PLB1: variants seen among roughly 807,000 people sequenced by gnomAD.
PLB1 encodes phospholipase B1.
PLB1 carries 242 observed loss-of-function variants against 227.4 expected under a neutral mutation model. That is an observed-to-expected ratio of 1.06 (90% confidence interval 0.96 to 1.18). The LOEUF is 1.18. PLB1 is among the 50% of genes most tolerant of loss of function. The pLI, the probability that PLB1 is intolerant of heterozygous loss-of-function variation, is 0.00. For missense variants in PLB1, 1,858 were observed against 1,816.3 expected (o/e 1.02, Z -0.42); for synonymous variants, 757 against 682.2 (o/e 1.11, Z -1.71).
chr2:28,577,331 A>G (rs551846225), intron 21 of PLB1, among the ~76,000 whole-genome samples: 1 of 152,178 alleles, frequency 6.6e-6, no homozygotes, highest in Non-Finnish European at 1.5e-5. Context: ...TCACTTTCAC[A>G]CTGTTAGCAA....
intron 1 of PLB1, among the ~76,000 whole-genome samples, chr2:28,510,599 G>T (rs4625858): frequency 0.96 from 139,324 of 145,684 alleles, 66,724 homozygotes; most frequent in East Asian, 1. Flanking sequence ...ACTCCTGATT[G>T]TTTTTTCTTT....
intron 17 of PLB1, among the ~76,000 whole-genome samples, chr2:28,553,402 C>T (rs1266659303): frequency 6.6e-6 from 1 of 152,184 alleles, no homozygotes; most frequent in African/African-American, 2.4e-5. Flanking sequence ...ACTAAAACAC[C>T]ACGCAGAGCA....
At chr2:28,632,440 G>A (rs1688759902) in intron 55 of PLB1, among the ~76,000 whole-genome samples, 1 of 152,120 alleles carries the variant, frequency 6.6e-6, no homozygotes, top group Non-Finnish European at 1.5e-5. Context: ...TCTTAGGATA[G>A]GGGTGCTGAA....
intron 56 of PLB1, 53 bp from the exon 57 acceptor site, chr2:28,640,874 G>A: frequency 1.3e-6 from 2 of 1,554,094 alleles, no homozygotes; most frequent in South Asian, 1.2e-5. Flanking sequence ...CCTCAGAGAG[G>A]AAAGTGTCTC....
rs1208529721 is a variant in PLB1, at chr2:28,540,702, A to T, written c.774+261A>T. ...ACAGTGGGGGTACTTGAGGCAAAAG[A>T]TAGTGAGGAACTTCGAAGATTCATT... On this transcript the variant is annotated intron_variant, in intron 12 of 57. Transcript: ENST00000327757. Among the ~76,000 whole-genome samples the T allele has an allele frequency of 2.0e-5, 3 of 152,144 alleles. No individual in the cohort carries two copies. In the East Asian group the frequency reaches 5.8e-4, roughly 29 times the overall value.
At position 28,591,697 on chromosome 2, in the gene PLB1, T is replaced by C. The variant is rs765436854; in HGVS notation, c.2128-3T>C. On this transcript the variant is annotated splice_region_variant and splice_polypyrimidine_tract_variant and intron_variant, in intron 30 of 57. Transcript: ENST00000327757. ...GATTCTGGGATTTGTTCTATGCCCT[T>C]AGGGTCATGGGACCTGGCTGCCATG... 6.2e-7 allele frequency: 1 copy of C among 1,613,930 alleles called. No individual in the cohort carries two copies. The highest frequency in any genetic ancestry group is 1.1e-5 in the South Asian group (1 of 91,090).
Position 28,525,247 on chromosome 2 carries a change from A to T in PLB1, c.244-20A>T. 1 of 1,612,374 alleles carries T rather than the reference A, an allele frequency of 6.2e-7. No homozygotes were observed. Among genetic ancestry groups the T allele is most frequent in the Non-Finnish European group, 8.5e-7 (1 of 1,179,466 alleles). Reference sequence around the variant, plus strand: ...TGCCACCTCCCCTGGCTGGGTGTTAACATTGAGTATCTATTCCAGCCTCCA... The same window carrying T: ...TGCCACCTCCCCTGGCTGGGTGTTATCATTGAGTATCTATTCCAGCCTCCA... On this transcript the variant is annotated intron_variant, in intron 4 of 57. Transcript: ENST00000327757.
rs190307625 is a variant in PLB1, at chr2:28,543,009, G to T, written c.880-203G>T. Among the ~76,000 whole-genome samples, 444 of 152,268 alleles carry T rather than the reference G, an allele frequency of 2.9e-3. 1 individual carries two copies. Among genetic ancestry groups the T allele is most frequent in the Non-Finnish European group, 5.3e-3 (359 of 68,016 alleles). On this transcript the variant is annotated intron_variant, in intron 13 of 57. Coordinates refer to ENST00000327757, the MANE Select transcript of PLB1 (RefSeq NM_153021.5). ...CATGGAGCTGCCTGACGTGCCACCTGCTCCTGCAGGCCCTGACCTCAGGGC... is the reference window on the plus strand; with the variant it reads ...CATGGAGCTGCCTGACGTGCCACCTTCTCCTGCAGGCCCTGACCTCAGGGC...
At chr2:28,606,336 C>T (rs539666525) in intron 42 of PLB1, among the ~76,000 whole-genome samples, 160 bp from the exon 43 acceptor site, 2 of 152,378 alleles carry the variant, frequency 1.3e-5, no homozygotes, top group South Asian at 4.1e-4. Flanking sequence ...AAGCGACTGG[C>T]CCAAAACCCC....
At chr2:28,601,218 G>A (rs1683819156) in intron 36 of PLB1, 34 bp from the exon 37 acceptor site, 6 of 1,551,202 alleles carry the variant, frequency 3.9e-6, no homozygotes, top group African/African-American at 1.4e-5. Flanking sequence ...TTTCCTTGTT[G>A]GAAATTATCA....
chr2:28,638,318 C>G (rs541635415), intron 56 of PLB1, among the ~76,000 whole-genome samples: 1 of 152,124 alleles, frequency 6.6e-6, no homozygotes, highest in Admixed American at 6.5e-5. Flanking sequence ...AAATAGGACC[C>G]ACATGGGCCT....
chr2:28,638,892 G>A (rs929195413), intron 56 of PLB1, among the ~76,000 whole-genome samples: 2 of 148,382 alleles, frequency 1.3e-5, no homozygotes, highest in African/African-American at 5.0e-5. Flanking sequence ...GTGAAACCCT[G>A]TCTCTACTGA....
chr2:28,579,619 C>G lies in PLB1; in HGVS notation c.1486-8C>G, dbSNP rs866976876. On this transcript the variant is annotated splice_polypyrimidine_tract_variant and splice_region_variant and intron_variant, in intron 22 of 57. Transcript: ENST00000327757. Reference sequence around the variant, plus strand: ...AGGTGCTTACTTCTGTGTTTCTATTCATTTCAGAGGATACACTTTCAGGAA... The same window carrying G: ...AGGTGCTTACTTCTGTGTTTCTATTGATTTCAGAGGATACACTTTCAGGAA... The G allele has an allele frequency of 6.2e-7, 1 of 1,606,250 alleles. No homozygotes were observed. The highest frequency in any genetic ancestry group is 1.7e-4 in the Middle Eastern group (1 of 6,040).
intron 43 of PLB1, among the ~76,000 whole-genome samples, chr2:28,611,118 G>A (rs191132875): frequency 2.6e-5 from 4 of 152,114 alleles, no homozygotes; most frequent in Admixed American, 6.5e-5. Flanking sequence ...AAGAAGGGGA[G>A]GGGGAGGAAA....
chr2:28,540,655 T>G (rs945225104), intron 12 of PLB1, among the ~76,000 whole-genome samples: 15 of 152,082 alleles, frequency 9.9e-5, no homozygotes. Context: ...CCTGCAGGAC[T>G]GGTAGGGGTG....
At chr2:28,573,988 T>A (rs529950961) in intron 21 of PLB1, among the ~76,000 whole-genome samples, 4 of 152,312 alleles carry the variant, frequency 2.6e-5, no homozygotes, top group African/African-American at 9.6e-5. Context: ...ATCACTGTCA[T>A]GGTCCCTGGG....
Position 28,556,639 on chromosome 2 carries a change from G to A in PLB1, c.1147+3648G>A, listed in dbSNP as rs115409205. On this transcript the variant is annotated intron_variant, in intron 17 of 57. Coordinates refer to ENST00000327757, the MANE Select transcript of PLB1 (RefSeq NM_153021.5). The stretch of plus-strand genomic sequence containing the variant: ...CTAGTGAGCTTAGGATTTTCCCAGC[G>A]AGAAAAGGAGTCACTTTTTGAAAAT... 6.6e-3 allele frequency among the ~76,000 whole-genome samples: 1,005 copies of A among 152,206 alleles called. 14 individuals are homozygous for A. Among genetic ancestry groups the A allele is most frequent in the African/African-American group, 0.023 (960 of 41,502 alleles).
chr2:28,497,009 G>T (rs4128451), intron 1 of PLB1, among the ~76,000 whole-genome samples: 1 of 151,966 alleles, frequency 6.6e-6, no homozygotes, highest in South Asian at 2.1e-4. Context: ...GTCAGTTACC[G>T]CTCTGAGCCG....
chr2:28,518,295 A>G (rs1343474654), intron 2 of PLB1, among the ~76,000 whole-genome samples, 171 bp from the exon 3 acceptor site: 1 of 152,140 alleles, frequency 6.6e-6, no homozygotes, highest in Non-Finnish European at 1.5e-5. Flanking sequence ...GTACGCTTTT[A>G]CCAGATGAAC....
Sources: allele counts gnomAD v4.1 joint callset (sites outside exome capture counted in the v4.1 genomes callset), GRCh38; gene constraint gnomAD v4.1.1; transcripts MANE v1.5; gene names NCBI Gene and HGNC (gene_info 2026-07-23, HGNC 2026-07-21).